The following NFASC variants were observed in gnomAD, a reference collection of about 807,000 sequenced individuals.
The protein encoded by NFASC is neurofascin.
A neutral mutation model predicts 147.5 loss-of-function variants in NFASC; 43 were observed. The observed-to-expected ratio is 0.29, with a 90% confidence interval of 0.23 to 0.38. The LOEUF (loss-of-function observed/expected upper bound fraction) is 0.38, where lower values mean the gene tolerates loss of function less well. Among genes scored for constraint, NFASC ranks in the 10% least tolerant of loss-of-function variants. The pLI, the probability that NFASC is intolerant of heterozygous loss-of-function variation, is 1.00. For missense variants in NFASC, 1,320 were observed against 1,689.0 expected (o/e 0.78, Z 3.83); for synonymous variants, 622 against 665.5 (o/e 0.93, Z 1.01).
chr1:204,949,758 T>C (rs891021038), intron 3 of NFASC, among the ~76,000 whole-genome samples: 4 of 152,086 alleles, frequency 2.6e-5, no homozygotes, highest in African/African-American at 7.2e-5. Flanking sequence ...AGGTGATGCA[T>C]GTTAAAATTT....
chr1:204,835,659 C>G (rs1436894342), intron 1 of NFASC, among the ~76,000 whole-genome samples: 1 of 152,036 alleles, frequency 6.6e-6, no homozygotes, highest in South Asian at 2.1e-4. Context: ...GTGGTGGGTG[C>G]ATGTAATTCA....
At chr1:204,883,347 A>G (rs1186986358) in intron 1 of NFASC, among the ~76,000 whole-genome samples, 3 of 152,220 alleles carry the variant, frequency 2.0e-5, no homozygotes, top group African/African-American at 7.2e-5. Context: ...ACAGCTGTGC[A>G]GGGCTGGGGC....
chr1:205,006,796 G>A (rs2096121336), intron 27 of NFASC, among the ~76,000 whole-genome samples: 3 of 152,178 alleles, frequency 2.0e-5, no homozygotes, highest in Admixed American at 6.5e-5. Flanking sequence ...GCAGCAGCAG[G>A]AGAGCTGGGA....
chr1:204,891,416 T>C (rs1000178191), intron 1 of NFASC, among the ~76,000 whole-genome samples: 2 of 152,136 alleles, frequency 1.3e-5, no homozygotes, highest in African/African-American at 4.8e-5. Flanking sequence ...TTCCCCTGAA[T>C]TTCTGGGTTG....
At chr1:204,974,485 G>A in intron 13 of NFASC, 172 bp from the exon 14 acceptor site, 1 of 878,532 alleles carries the variant, frequency 1.1e-6, no homozygotes, top group South Asian at 1.4e-5. Flanking sequence ...AGGGATGGAG[G>A]CTTGCCAGGG....
rs1457084414 is a variant in NFASC, at chr1:204,968,096, C to T, written c.707-153C>T. 1.6e-6 allele frequency: 1 copy of T among 617,614 alleles called. No individual in the cohort carries two copies. The highest frequency in any genetic ancestry group is 1.8e-5 in the African/African-American group (1 of 54,530). The allele number at this position is 617,614 out of a possible 1,614,324, so 38.3% of individuals were successfully genotyped here. A position where few individuals can be genotyped will look rare whatever the true frequency, so the allele number is the denominator to read the frequency against. On this transcript the variant is annotated intron_variant, in intron 8 of 29. Transcript: ENST00000339876. The surrounding 1 kb of genome is among the most constrained non-coding windows in gnomAD (Gnocchi z 5.4). The stretch of plus-strand genomic sequence containing the variant: ...AGGAGCCCTGGGCTTCCTAACACAC[C>T]TCACTTAATGATGCCCAAGTCCTTG...
At chr1:204,908,295 T>G (rs778436246) in intron 1 of NFASC, among the ~76,000 whole-genome samples, 1 of 152,166 alleles carries the variant, frequency 6.6e-6, no homozygotes, top group Non-Finnish European at 1.5e-5. Context: ...GAATATATTT[T>G]TACAATATTT....
At position 204,979,003 on chromosome 1, in the gene NFASC, G is replaced by A. The variant is rs555392324; in HGVS notation, c.1912G>A (p.Asp638Asn). The A allele has an allele frequency of 1.5e-4, 238 of 1,563,074 alleles. No individual in the cohort carries two copies. Among genetic ancestry groups the A allele is most frequent in the Admixed American group, 2.0e-4 (11 of 53,816 alleles). Residue 638 changes from aspartate (D) to asparagine (N), a missense_variant, in exon 18 of 30, where the codon GAC (aspartate) becomes AAC (asparagine). Asp to Asn is a conservative substitution (Grantham distance 23, BLOSUM62 1). This residue lies in a region of NFASC where 981 missense variants were observed against 1,289.5 expected (regional missense o/e 0.76). Coordinates refer to ENST00000339876, the MANE Select transcript of NFASC (RefSeq NM_001005388.3). The surrounding 1 kb of genome is among the most constrained non-coding windows in gnomAD (Gnocchi z 6.0). ...CCGGCCCCGGGACCTGGAGCTGACCGACCTGGCCGAGAGGAGCGTGCGGCT... is the reference window on the plus strand; with the variant it reads ...CCGGCCCCGGGACCTGGAGCTGACCAACCTGGCCGAGAGGAGCGTGCGGCT... The part of the protein sequence containing the change: ...PDRPRDLELT[D>N]LAERSVRLTW...
intron 1 of NFASC, among the ~76,000 whole-genome samples, chr1:204,875,405 C>G (rs2078580787): frequency 6.6e-6 from 1 of 152,104 alleles, no homozygotes; most frequent in South Asian, 2.1e-4. Context: ...CTGTCTGCCT[C>G]CCAGAAGTCA....
chr1:205,003,727 C>A (rs2096049279), intron 27 of NFASC, among the ~76,000 whole-genome samples: 1 of 152,226 alleles, frequency 6.6e-6, no homozygotes, highest in Non-Finnish European at 1.5e-5. Context: ...ACATGAACTT[C>A]TGAATGTTGA....
In NFASC at chr1:205,016,203, G is replaced by C; in HGVS notation, c.3492-105G>C. 2.6e-6 allele frequency: 2 copies of C among 780,078 alleles called. No homozygotes were observed. The highest frequency in any genetic ancestry group is 1.7e-5 in the African/African-American group (1 of 58,942). 48.3% of individuals were successfully genotyped at this position (780,078 alleles called of 1,614,324 possible). ...GGGTGAAGCGGGGGCTGGACTGGGCGGTCTCCTGGATCCCATCCTCTCTGA... is the reference window on the plus strand; with the variant it reads ...GGGTGAAGCGGGGGCTGGACTGGGCCGTCTCCTGGATCCCATCCTCTCTGA... On this transcript the variant is annotated intron_variant, in intron 29 of 29. Coordinates refer to ENST00000339876, the MANE Select transcript of NFASC (RefSeq NM_001005388.3). This position sits in a 1 kb window ranked among gnomAD's most constrained non-coding sequence, Gnocchi z 5.1.
At position 205,020,221 on chromosome 1, in the gene NFASC, C is replaced by T. The variant is rs914272076; in HGVS notation, c.*3682C>T. The T allele has an allele frequency of 6.6e-6, 1 of 152,246 alleles. No individual in the cohort carries two copies. The highest frequency in any genetic ancestry group is 2.4e-5 in the African/African-American group (1 of 41,442). The allele number at this position is 152,246 out of a possible 1,614,324, so 9.4% of individuals were successfully genotyped here. The stretch of plus-strand genomic sequence containing the variant: ...GCAAGGTGCAACTGAGCCCACATAG[C>T]GCATTCATAGTTTCCCTGACCACAG... On this transcript the variant is annotated 3_prime_UTR_variant, in exon 30 of 30. Coordinates refer to ENST00000339876, the MANE Select transcript of NFASC (RefSeq NM_001005388.3).
chr1:204,918,434 G>A (rs1335959825), intron 1 of NFASC, among the ~76,000 whole-genome samples: 2 of 152,146 alleles, frequency 1.3e-5, no homozygotes, highest in Non-Finnish European at 2.9e-5. Context: ...TTCTTGCAGT[G>A]TGGCACAGGG....
chr1:204,936,391 G>A lies in NFASC; in HGVS notation c.-90-7835G>A, dbSNP rs375961581. Reference sequence around the variant, plus strand: ...TAATTTTTTATATTTTTGTAGAGATGGGATTTCACCATGTTGGCAAGGCTG... The same window carrying A: ...TAATTTTTTATATTTTTGTAGAGATAGGATTTCACCATGTTGGCAAGGCTG... On this transcript the variant is annotated intron_variant, in intron 2 of 29. Transcript: ENST00000339876. 6.8e-4 allele frequency among the ~76,000 whole-genome samples: 104 copies of A among 151,842 alleles called. 1 individual carries two copies. Among genetic ancestry groups the A allele is most frequent in the African/African-American group, 2.5e-3 (104 of 41,430 alleles).
chr1:204,877,031 ATATATT>A (rs1558549106), intron 1 of NFASC, among the ~76,000 whole-genome samples: 9 of 92,934 alleles, frequency 9.7e-5, no homozygotes, highest in African/African-American at 6.0e-4. Context: ...TATATATAAT[ATATATT>A]TATATATATA....
intron 2 of NFASC, among the ~76,000 whole-genome samples, chr1:204,938,197 G>A (rs1233786606): frequency 1.3e-5 from 2 of 152,206 alleles, no homozygotes; most frequent in Non-Finnish European, 2.9e-5. Flanking sequence ...GGCCCCCAAT[G>A]TGGGGAAAGA....
At position 204,959,939 on chromosome 1, in the gene NFASC, C is replaced by A. The variant is rs867994889; in HGVS notation, c.706+2113C>A. 5.9e-5 allele frequency among the ~76,000 whole-genome samples: 9 copies of A among 152,204 alleles called. No individual in the cohort carries two copies. In the South Asian group the frequency reaches 6.2e-4, roughly 10 times the overall value. The stretch of plus-strand genomic sequence containing the variant: ...CTCTTTCCTCCGAATGGCGAGAGAC[C>A]CCCTAGGTGATTGGAACAGAGCCCC... On this transcript the variant is annotated intron_variant, in intron 8 of 29. Coordinates refer to ENST00000339876, the MANE Select transcript of NFASC (RefSeq NM_001005388.3).
At chr1:204,990,563 C>CAAAAAAAAAAAAAAAAAA (rs55745283) in intron 23 of NFASC, 1 of 126,710 alleles carries the variant, frequency 7.9e-6, no homozygotes, top group Non-Finnish European at 1.6e-5. Context: ...GCTCTCAGTC[C>CAAAAAAAAAAAAAAAAAA]AAAAAAAAAA....
At chr1:204,898,038 G>A (rs1300783997) in intron 1 of NFASC, among the ~76,000 whole-genome samples, 2 of 152,024 alleles carry the variant, frequency 1.3e-5, no homozygotes, top group South Asian at 2.1e-4. Flanking sequence ...GCACCAAGCC[G>A]CCTGGCTAAT....
Sources: allele counts gnomAD v4.1 joint callset (sites outside exome capture counted in the v4.1 genomes callset), GRCh38; gene constraint gnomAD v4.1.1; regional missense constraint gnomAD v4.1.1; non-coding constraint Gnocchi (gnomAD v3.1); transcripts MANE v1.5; gene names NCBI Gene and HGNC (gene_info 2026-07-23, HGNC 2026-07-21).